RPH3AL: variants seen among roughly 807,000 people sequenced by gnomAD.
The protein encoded by RPH3AL is rabphilin 3A like (without C2 domains).
RPH3AL carries 38 observed loss-of-function variants against 43.1 expected under a neutral mutation model. The ratio of observed to expected loss-of-function variants is 0.88; its 90% CI spans 0.68 to 1.15. The LOEUF is 1.15. Among genes scored for constraint, RPH3AL ranks in the 50% most tolerant of loss-of-function variants. The probability of loss-of-function intolerance (pLI) is 0.00; values close to 1 mark genes in which losing one functional copy is unlikely to be tolerated. For missense variants in RPH3AL, 462 were observed against 423.2 expected (o/e 1.09, Z -0.81); for synonymous variants, 189 against 176.3 (o/e 1.07, Z -0.57).
intron 6 of RPH3AL, among the ~76,000 whole-genome samples, chr17:279,875 T>G (rs1047660741): frequency 6.6e-6 from 1 of 152,232 alleles, no homozygotes; most frequent in Non-Finnish European, 1.5e-5. Flanking sequence ...ATATCTATGC[T>G]GGAGGTTTTG....
chr17:344,901 A>G (rs1489038280), intron 1 of RPH3AL, among the ~76,000 whole-genome samples: 3 of 136,006 alleles, frequency 2.2e-5, no homozygotes, highest in African/African-American at 7.6e-5. Context: ...TGATGAATAG[A>G]AAGTGTATAT....
chr17:291,268 G>A (rs937873861), intron 5 of RPH3AL, among the ~76,000 whole-genome samples: 7 of 152,132 alleles, frequency 4.6e-5, no homozygotes, highest in African/African-American at 1.4e-4. Flanking sequence ...GGCCAGGTGC[G>A]GTGGATCCTG....
intron 7 of RPH3AL, among the ~76,000 whole-genome samples, chr17:229,665 G>A (rs1344139943): frequency 6.6e-6 from 1 of 152,228 alleles, no homozygotes; most frequent in Non-Finnish European, 1.5e-5. Flanking sequence ...AATGGGGAGG[G>A]GCTGTAGGAG....
chr17:323,065 A>G lies in RPH3AL; in HGVS notation c.78-1650T>C, dbSNP rs1291646230. On this transcript the variant is annotated intron_variant, in intron 3 of 9. Coordinates refer to ENST00000331302, the MANE Select transcript of RPH3AL (RefSeq NM_006987.4). The surrounding 1 kb of genome is among the most constrained non-coding windows in gnomAD (Gnocchi z 4.4). ...TGCCTGCAAATGGTCGTTAATAGTG[A>G]TAACTGTAATTATCATGGGGAGGGC... Among the ~76,000 whole-genome samples the G allele has an allele frequency of 1.3e-5, 2 of 152,016 alleles. No individual in the cohort carries two copies. Among genetic ancestry groups the G allele is most frequent in the South Asian group, 2.1e-4 (1 of 4,816 alleles).
rs1255034307 is a variant in RPH3AL at position 213,465 on chromosome 17, T to C, written c.*387A>G. 3 of 291,008 alleles carry C rather than the reference T, an allele frequency of 1.0e-5. No homozygotes were observed. Among genetic ancestry groups the C allele is most frequent in the Non-Finnish European group, 2.0e-5 (3 of 150,938 alleles). The allele number at this position is 291,008 out of a possible 1,614,324, so 18.0% of individuals were successfully genotyped here. Reference sequence around the variant, plus strand: ...TTCGGAGGCCGTGCCCTAGGTTTCATTTAGTCTTGCCATTAATATAGCAAC... The same window carrying C: ...TTCGGAGGCCGTGCCCTAGGTTTCACTTAGTCTTGCCATTAATATAGCAAC... On this transcript the variant is annotated 3_prime_UTR_variant, in exon 10 of 10. Coordinates refer to ENST00000331302, the MANE Select transcript of RPH3AL (RefSeq NM_006987.4).
chr17:337,952 C>T (rs1013188891), intron 1 of RPH3AL, among the ~76,000 whole-genome samples: 1 of 152,242 alleles, frequency 6.6e-6, no homozygotes, highest in Non-Finnish European at 1.5e-5. Context: ...TGTTCTCATT[C>T]CCAGGCAGAA....
chr17:227,700 G>A (rs957526205), intron 7 of RPH3AL, among the ~76,000 whole-genome samples: 19 of 152,150 alleles, frequency 1.2e-4, no homozygotes, highest in Non-Finnish European at 2.5e-4. Context: ...GAGCATTGCC[G>A]CCCGGCACAA....
intron 5 of RPH3AL, among the ~76,000 whole-genome samples, chr17:310,423 C>T (rs1163074028): frequency 6.6e-6 from 1 of 152,170 alleles, no homozygotes; most frequent in Non-Finnish European, 1.5e-5. Flanking sequence ...AGGCTCTGTC[C>T]TCCCCAACCA....
At chr17:241,239 T>C (rs941958875) in intron 7 of RPH3AL, among the ~76,000 whole-genome samples, 1 of 151,610 alleles carries the variant, frequency 6.6e-6, no homozygotes, top group Non-Finnish European at 1.5e-5. Flanking sequence ...AATATACGAA[T>C]TTAAAAGTTT....
At chr17:241,998 T>A (rs2041550243) in intron 7 of RPH3AL, among the ~76,000 whole-genome samples, 1 of 152,066 alleles carries the variant, frequency 6.6e-6, no homozygotes, top group African/African-American at 2.4e-5. Flanking sequence ...ATGCCTGTAA[T>A]CCCAGCTATT....
chr17:336,192 A>G (rs1433186562), intron 1 of RPH3AL, among the ~76,000 whole-genome samples: 2 of 152,170 alleles, frequency 1.3e-5, no homozygotes, highest in Non-Finnish European at 2.9e-5. Flanking sequence ...AACAGCTCTG[A>G]CATCTGCTCT....
Position 213,636 on chromosome 17 carries a change from G to T in RPH3AL, c.*216C>A. 1.7e-6 allele frequency: 1 copy of T among 599,176 alleles called. No individual in the cohort carries two copies. Among genetic ancestry groups the T allele is most frequent in the Admixed American group, 2.8e-5 (1 of 35,214 alleles). 37.1% of individuals were successfully genotyped at this position (599,176 alleles called of 1,614,324 possible). On this transcript the variant is annotated 3_prime_UTR_variant, in exon 10 of 10. Coordinates refer to ENST00000331302, the MANE Select transcript of RPH3AL (RefSeq NM_006987.4). Reference sequence around the variant, plus strand: ...TAATAAATAAGGTCGGGGGCTGAGGGCAGTGGTTGGAGGGGGTGGCGGATG... The same window carrying T: ...TAATAAATAAGGTCGGGGGCTGAGGTCAGTGGTTGGAGGGGGTGGCGGATG...
chr17:238,236 G>T (rs2041447915), intron 7 of RPH3AL, among the ~76,000 whole-genome samples: 1 of 151,634 alleles, frequency 6.6e-6, no homozygotes, highest in Non-Finnish European at 1.5e-5. Context: ...GAAAAGAAAA[G>T]AGGGAGGGAC....
At chr17:336,499 G>A (rs1010537335) in intron 1 of RPH3AL, among the ~76,000 whole-genome samples, 1 of 152,078 alleles carries the variant, frequency 6.6e-6, no homozygotes, top group African/African-American at 2.4e-5. Flanking sequence ...CCTGCTCGGG[G>A]CGGCTCCCCC....
chr17:293,872 T>C (rs1398455360), intron 5 of RPH3AL, among the ~76,000 whole-genome samples: 1 of 151,624 alleles, frequency 6.6e-6, no homozygotes, highest in Non-Finnish European at 1.5e-5. Flanking sequence ...CTACTAAAAA[T>C]ACAAAAATTA....
In RPH3AL at chr17:219,644, C is replaced by T. The variant is rs775644556; in HGVS notation, c.706G>A (p.Asp236Asn). 4.8e-5 allele frequency: 77 copies of T among 1,598,800 alleles called. No individual in the cohort carries two copies. Among genetic ancestry groups the T allele is most frequent in the Non-Finnish European group, 6.3e-5 (74 of 1,172,706 alleles). The part of the protein sequence containing the change: ...PSTGVRDRKG[D>N]KPWKESGGSV... ...TTACCTGACTCCTTCCAGGGTTTGT[C>T]GCCTTTCCGGTCCCTGACCCCAGTG... The change falls in exon 8 of 10, where the codon GAC (aspartate) becomes AAC (asparagine). Residue 236 changes from aspartate (D) to asparagine (N), a missense_variant. Coordinates refer to ENST00000331302, the MANE Select transcript of RPH3AL (RefSeq NM_006987.4).
chr17:231,979 C>T (rs1286453873), intron 7 of RPH3AL, among the ~76,000 whole-genome samples: 1 of 152,250 alleles, frequency 6.6e-6, no homozygotes, highest in Non-Finnish European at 1.5e-5. Flanking sequence ...GCAACAGCGG[C>T]TCATTTGTGC....
At chr17:265,095 TTTC>T (rs1425655357) in intron 6 of RPH3AL, among the ~76,000 whole-genome samples, 2 of 152,182 alleles carry the variant, frequency 1.3e-5, no homozygotes, top group African/African-American at 4.8e-5. Flanking sequence ...AGAGACATTT[TTTC>T]TTCTTTGAGA....
intron 7 of RPH3AL, among the ~76,000 whole-genome samples, chr17:242,111 T>C (rs2041553832): frequency 6.6e-6 from 1 of 151,858 alleles, no homozygotes; most frequent in East Asian, 1.9e-4. Flanking sequence ...AGCAAGACTG[T>C]CTCAATAAAA....
Sources: allele counts gnomAD v4.1 joint callset (sites outside exome capture counted in the v4.1 genomes callset), GRCh38; gene constraint gnomAD v4.1.1; non-coding constraint Gnocchi (gnomAD v3.1); transcripts MANE v1.5; gene names NCBI Gene and HGNC (gene_info 2026-07-23, HGNC 2026-07-21).